ADAMTS9: variants seen among roughly 807,000 people sequenced by gnomAD.
ADAMTS9 encodes ADAM metallopeptidase with thrombospondin type 1 motif 9, also known as A disintegrin and metalloproteinase with thrombospondin motifs 9.
In ADAMTS9, 107 loss-of-function variants were observed where a neutral mutation model predicts 257.1. The ratio of observed to expected loss-of-function variants is 0.42; its 90% CI spans 0.36 to 0.49. The LOEUF is 0.49. Among genes scored for constraint, ADAMTS9 ranks in the 20% least tolerant of loss-of-function variants. ADAMTS9 has a pLI of 0.03. For synonymous variants in ADAMTS9, 982 were observed against 880.9 expected (o/e 1.11, Z -2.03); for missense variants, 2,353 against 2,469.1 (o/e 0.95, Z 1.00).
At chr3:64,533,440 T>C (rs577951742) in intron 37 of ADAMTS9, among the ~76,000 whole-genome samples, 170 bp from the exon 38 acceptor site, 1 of 152,366 alleles carries the variant, frequency 6.6e-6, no homozygotes, top group East Asian at 1.9e-4. Flanking sequence ...GGGCCAGCCA[T>C]TCTTCATGCA....
intron 38 of ADAMTS9, among the ~76,000 whole-genome samples, chr3:64,531,842 G>A (rs971902614): frequency 9.2e-5 from 14 of 152,310 alleles, no homozygotes; most frequent in African/African-American, 3.1e-4. Context: ...CCCAGGCAGG[G>A]CTCCTGGCTG....
chr3:64,542,076 CTTCAG>C, intron 32 of ADAMTS9, 106 bp from the exon 33 acceptor site: 3 of 1,420,692 alleles, frequency 2.1e-6, no homozygotes, highest in Non-Finnish European at 2.9e-6. Flanking sequence ...CAGGGTGTCA[CTTCAG>C]ACCCTGTGTC....
chr3:64,619,228 C>A (rs190540130), intron 19 of ADAMTS9, among the ~76,000 whole-genome samples: 1 of 152,064 alleles, frequency 6.6e-6, no homozygotes, highest in Non-Finnish European at 1.5e-5. Context: ...GAGACTCAAC[C>A]AGTCTCGTTC....
chr3:64,538,929 C>T (rs1171918120), intron 37 of ADAMTS9, among the ~76,000 whole-genome samples: 6 of 152,098 alleles, frequency 3.9e-5, no homozygotes, highest in African/African-American at 1.4e-4. Flanking sequence ...ACCAAGCCCT[C>T]GCTAACCGAC....
At position 64,561,627 on chromosome 3, in the gene ADAMTS9, T is replaced by C; in HGVS notation, c.4649A>G (p.Gln1550Arg). The change falls in exon 30 of 40, where the codon CAA becomes CGA. Residue 1550 changes from glutamine to arginine, a missense_variant. Coordinates refer to ENST00000498707, the MANE Select transcript of ADAMTS9 (RefSeq NM_182920.2). ...AGTGTAGAGGGGACACCGTGGGCCT[T>C]GGCAGTCGCGTTCCGACTCCGGTCT... The part of the protein sequence containing the change: ...YTRPESERDC[Q>R]GPRCPLYTWR... 1 of 1,614,084 alleles carries C rather than the reference T, an allele frequency of 6.2e-7. No homozygotes were observed. Among genetic ancestry groups the C allele is most frequent in the Non-Finnish European group, 8.5e-7 (1 of 1,179,990 alleles).
chr3:64,541,777 A>C, intron 33 of ADAMTS9, 61 bp downstream of exon 33: 2 of 1,598,970 alleles, frequency 1.3e-6, no homozygotes, highest in Non-Finnish European at 1.7e-6. Flanking sequence ...CAGGCAATCA[A>C]ATGAACAAAG....
Position 64,639,293 on chromosome 3 carries a change from G to GTTTTT in ADAMTS9, c.1856+2550_1856+2554dup, listed in dbSNP as rs753448050. Among the ~76,000 whole-genome samples, 159 of 56,776 alleles carry GTTTTT rather than the reference G, an allele frequency of 2.8e-3. 1 individual carries two copies. Among genetic ancestry groups the GTTTTT allele is most frequent in the Middle Eastern group, 0.021 (1 of 48 alleles). The allele number at this position is 56,776 out of a possible 152,430, so 37.2% of individuals were successfully genotyped here. A position where few individuals can be genotyped will look rare whatever the true frequency, so the allele number is the denominator to read the frequency against. On this transcript the variant is annotated intron_variant, in intron 12 of 39. Transcript: ENST00000498707. ...GTGCTGACACTCAACTAGGTGGATTGTTTTTTTTTTTTTTTTTTTAAAAAA... is the reference window on the plus strand; with the variant it reads ...GTGCTGACACTCAACTAGGTGGATTGTTTTTTTTTTTTTTTTTTTTTTTTAAAAAA...
intron 28 of ADAMTS9, chr3:64,590,141 C>A (rs1027641240): frequency 6.6e-6 from 1 of 152,056 alleles, no homozygotes; most frequent in African/African-American, 2.4e-5. Context: ...AGAAAAAATA[C>A]CCAACAAAAT....
At chr3:64,635,797 A>G (rs60261550) in intron 12 of ADAMTS9, among the ~76,000 whole-genome samples, 48,839 of 151,870 alleles carry the variant, frequency 0.32, 10,848 homozygotes, top group African/African-American at 0.6. Flanking sequence ...AGAGATGCAG[A>G]ATGGGTTTCC....
chr3:64,544,716 T>C (rs2083173791), intron 32 of ADAMTS9, among the ~76,000 whole-genome samples: 2 of 152,172 alleles, frequency 1.3e-5, no homozygotes, highest in African/African-American at 4.8e-5. Flanking sequence ...AAGGACTTCA[T>C]GACTAAAACA....
intron 12 of ADAMTS9, among the ~76,000 whole-genome samples, chr3:64,637,156 C>G (rs895218776): frequency 6.6e-6 from 1 of 152,124 alleles, no homozygotes; most frequent in Non-Finnish European, 1.5e-5. Flanking sequence ...ACATATGTTT[C>G]CTCTCTCCCA....
At chr3:64,620,201 T>C (rs1700072693) in intron 19 of ADAMTS9, among the ~76,000 whole-genome samples, 1 of 152,158 alleles carries the variant, frequency 6.6e-6, no homozygotes, top group Non-Finnish European at 1.5e-5. Context: ...CTCACTTCCA[T>C]GGCAGACATT....
chr3:64,557,602 G>T (rs2083356882), intron 30 of ADAMTS9, among the ~76,000 whole-genome samples: 1 of 152,114 alleles, frequency 6.6e-6, no homozygotes, highest in Non-Finnish European at 1.5e-5. Flanking sequence ...GCCTCCATCG[G>T]AAGGCCACCG....
intron 11 of ADAMTS9, among the ~76,000 whole-genome samples, chr3:64,647,683 G>T (rs1700831640): frequency 2.0e-5 from 3 of 152,224 alleles, no homozygotes; most frequent in Admixed American, 2.0e-4. Context: ...TTAAATGAGA[G>T]AAAGTCTTAA....
intron 30 of ADAMTS9, among the ~76,000 whole-genome samples, chr3:64,560,841 A>C (rs1404026887): frequency 6.6e-6 from 1 of 152,128 alleles, no homozygotes; most frequent in Non-Finnish European, 1.5e-5. Flanking sequence ...TTATGCCAAC[A>C]TCAGTGGATA....
chr3:64,639,467 G>A (rs1700586484), intron 12 of ADAMTS9, among the ~76,000 whole-genome samples: 1 of 151,994 alleles, frequency 6.6e-6, no homozygotes, highest in Non-Finnish European at 1.5e-5. Context: ...TACACTGGGT[G>A]ATTTTCTTTG....
chr3:64,682,449 G>C (rs1701781894), intron 2 of ADAMTS9, among the ~76,000 whole-genome samples: 1 of 152,046 alleles, frequency 6.6e-6, no homozygotes, highest in African/African-American at 2.4e-5. Context: ...ACATACCCAA[G>C]TTTTTACAAA....
intron 3 of ADAMTS9, among the ~76,000 whole-genome samples, chr3:64,661,967 G>C (rs781726906): frequency 5.0e-4 from 76 of 151,520 alleles, no homozygotes; most frequent in Non-Finnish European, 9.1e-4. Context: ...GCTTGCTTTA[G>C]TTTTAACTTG....
intron 14 of ADAMTS9, among the ~76,000 whole-genome samples, chr3:64,632,239 C>T (rs1016186022): frequency 1.3e-5 from 2 of 151,856 alleles, no homozygotes; most frequent in Admixed American, 6.6e-5. Context: ...TTGAAAAGCA[C>T]TAGTCTGTAA....
Sources: gnomAD v4.1 joint callset for allele counts (sites outside exome capture counted in the v4.1 genomes callset) on GRCh38, gnomAD v4.1.1 for gene constraint, MANE v1.5 for transcripts, NCBI Gene and HGNC (gene_info 2026-07-23, HGNC 2026-07-21) for gene names.